The following MAP3K13 variants were observed in gnomAD, a reference collection of about 807,000 sequenced individuals.
The protein encoded by MAP3K13 is leucine zipper-bearing kinase.
A neutral mutation model predicts 104.0 loss-of-function variants in MAP3K13; 52 were observed. The observed-to-expected ratio is 0.50, with a 90% CI of 0.40 to 0.63. The LOEUF (loss-of-function observed/expected upper bound fraction) is 0.63. MAP3K13 is among the 20% of genes least tolerant of loss of function. The probability of loss-of-function intolerance (pLI) is 0.00; values close to 1 mark genes in which losing one functional copy is unlikely to be tolerated. For synonymous variants in MAP3K13, 394 were observed against 442.2 expected (o/e 0.89, Z 1.37); for missense variants, 914 against 1,218.5 (o/e 0.75, Z 3.72).
chr3:185,328,567 G>A (rs1722125138), intron 2 of MAP3K13: 1 of 152,138 alleles, frequency 6.6e-6, no homozygotes, highest in African/African-American at 2.4e-5. Context: ...TTTTATGAGA[G>A]GAAAGCAAGA....
chr3:185,361,654 T>G (rs1021772612), upstream of MAP3K13, among the ~76,000 whole-genome samples: 2 of 152,174 alleles, frequency 1.3e-5, no homozygotes, highest in Non-Finnish European at 2.9e-5. Context: ...CCGCCCACCT[T>G]GGCCTCCCAA....
At chr3:185,377,440 A>G (rs748493025) in intron 1 of MAP3K13, among the ~76,000 whole-genome samples, 2 of 152,130 alleles carry the variant, frequency 1.3e-5, no homozygotes, top group African/African-American at 4.8e-5. Context: ...TGAACTGGAG[A>G]AAAGGGCGGC....
At chr3:185,470,576 CT>C (rs1322489697) in intron 10 of MAP3K13, among the ~76,000 whole-genome samples, 1 of 152,176 alleles carries the variant, frequency 6.6e-6, no homozygotes, top group Non-Finnish European at 1.5e-5. Flanking sequence ...CCCTCCCTTC[CT>C]TTTCCTTCCT....
At chr3:185,392,198 TTAAG>T (rs1293257189) in intron 1 of MAP3K13, among the ~76,000 whole-genome samples, 45 of 152,290 alleles carry the variant, frequency 3.0e-4, no homozygotes, top group African/African-American at 9.9e-4. Context: ...ATACAGCTGC[TTAAG>T]TAAGGATTTC....
intron 7 of MAP3K13, among the ~76,000 whole-genome samples, chr3:185,459,042 G>A (rs149523771): frequency 2.0e-5 from 3 of 152,252 alleles, no homozygotes; most frequent in Non-Finnish European, 2.9e-5. Flanking sequence ...TGGATCGTGT[G>A]CCTGGCTTTG....
intron 1 of MAP3K13, among the ~76,000 whole-genome samples, chr3:185,398,363 C>T (rs1712550022): frequency 6.6e-6 from 1 of 152,172 alleles, no homozygotes. Flanking sequence ...AACTTTTGAT[C>T]TCCTATCCTG....
At chr3:185,457,237 G>C (rs1231712895) in intron 7 of MAP3K13, among the ~76,000 whole-genome samples, 1 of 152,184 alleles carries the variant, frequency 6.6e-6, no homozygotes, top group Non-Finnish European at 1.5e-5. Flanking sequence ...AAAAGAATAG[G>C]AAAGAAAAGG....
At chr3:185,371,872 T>C (rs1474109632) in intron 1 of MAP3K13, among the ~76,000 whole-genome samples, 2 of 152,214 alleles carry the variant, frequency 1.3e-5, no homozygotes, top group Non-Finnish European at 2.9e-5. Context: ...CTAAGGCTCC[T>C]TATTACCCTG....
intron 7 of MAP3K13, among the ~76,000 whole-genome samples, chr3:185,456,687 C>T (rs1716772415): frequency 6.6e-6 from 1 of 150,800 alleles, no homozygotes; most frequent in Admixed American, 6.6e-5. Flanking sequence ...CTGCAGCCTC[C>T]ACCTCCCGAG....
intron 2 of MAP3K13, among the ~76,000 whole-genome samples, chr3:185,316,066 A>G (rs1721659736): frequency 6.6e-6 from 1 of 152,194 alleles, no homozygotes; most frequent in Non-Finnish European, 1.5e-5. Context: ...TTTGATAGAT[A>G]ACTTCACATA....
At chr3:185,460,330 A>C (rs919211290) in intron 7 of MAP3K13, among the ~76,000 whole-genome samples, 1 of 151,970 alleles carries the variant, frequency 6.6e-6, no homozygotes, top group African/African-American at 2.4e-5. Flanking sequence ...TATTTTTTGG[A>C]GCAACCCTAT....
At chr3:185,353,153 T>A (rs1723200405) in intron 2 of MAP3K13, among the ~76,000 whole-genome samples, 1 of 152,224 alleles carries the variant, frequency 6.6e-6, no homozygotes, top group Admixed American at 6.5e-5. Flanking sequence ...CTCTGTCCCC[T>A]TCATCAGTGT....
At chr3:185,291,165 A>G (rs1485129841) in intron 2 of MAP3K13, among the ~76,000 whole-genome samples, 2 of 152,158 alleles carry the variant, frequency 1.3e-5, no homozygotes, top group Non-Finnish European at 2.9e-5. Context: ...CTTCCACATC[A>G]GTTTATTTCC....
At chr3:185,419,209 C>T (rs944282420) in intron 1 of MAP3K13, among the ~76,000 whole-genome samples, 2 of 152,058 alleles carry the variant, frequency 1.3e-5, no homozygotes, top group Non-Finnish European at 2.9e-5. Flanking sequence ...ACCATGTTGG[C>T]CAGGCTGGTC....
intron 2 of MAP3K13, among the ~76,000 whole-genome samples, chr3:185,290,656 A>G (rs1720699604): frequency 6.6e-6 from 1 of 152,132 alleles, no homozygotes; most frequent in South Asian, 2.1e-4. Context: ...AATTACCTGA[A>G]TTTCTTAATT....
At chr3:185,284,946 C>T (rs1242902569) in intron 1 of MAP3K13, among the ~76,000 whole-genome samples, 2 of 151,834 alleles carry the variant, frequency 1.3e-5, no homozygotes, top group Non-Finnish European at 2.9e-5. Context: ...TGATGGGCTA[C>T]ATAATGAGAT....
chr3:185,456,062 G>A (rs933552916), intron 7 of MAP3K13, among the ~76,000 whole-genome samples: 3 of 150,362 alleles, frequency 2.0e-5, no homozygotes, highest in African/African-American at 7.3e-5. Flanking sequence ...GAGGCTTGGA[G>A]TACTTCTGTG....
intron 1 of MAP3K13, among the ~76,000 whole-genome samples, chr3:185,398,338 C>CA (rs138887041): frequency 3.5e-4 from 53 of 151,612 alleles, no homozygotes; most frequent in African/African-American, 1.1e-3. Context: ...CAGTCCTCCA[C>CA]AAAAAAAAAT....
At chr3:185,430,730 A>AT (rs1482460551) in intron 2 of MAP3K13, among the ~76,000 whole-genome samples, 1 of 152,156 alleles carries the variant, frequency 6.6e-6, no homozygotes, top group African/African-American at 2.4e-5. Context: ...CTCCAAAAAA[A>AT]TTTTAAAATA....
Sources: gnomAD v4.1 joint callset for allele counts (sites outside exome capture counted in the v4.1 genomes callset) on GRCh38, gnomAD v4.1.1 for gene constraint, MANE v1.5 for transcripts, NCBI Gene and HGNC (gene_info 2026-07-23, HGNC 2026-07-21) for gene names.